The following SEMA5A variants were observed in gnomAD, a reference collection of about 807,000 sequenced individuals.
The protein encoded by SEMA5A is semaphorin-5A.
Under a neutral mutation model 135.5 loss-of-function variants are expected in SEMA5A, and 55 were observed. The observed-to-expected ratio is 0.41, with a 90% CI of 0.33 to 0.51. The LOEUF (loss-of-function observed/expected upper bound fraction) is 0.51, where lower values mean the gene tolerates loss of function less well. Ranked by LOEUF, SEMA5A falls within the 20% of genes least tolerant of loss-of-function variation. The pLI is 0.37. For missense variants in SEMA5A, 1,290 were observed against 1,419.9 expected, an observed-to-expected ratio of 0.91 and a Z score of 1.47; for synonymous variants, 580 against 546.5, an observed-to-expected ratio of 1.06 and a Z score of -0.85.
At chr5:9,487,062 A>G (rs1734771093) in intron 1 of SEMA5A, among the ~76,000 whole-genome samples, 1 of 152,158 alleles carries the variant, frequency 6.6e-6, no homozygotes, top group Non-Finnish European at 1.5e-5. Flanking sequence ...AAAACAAAAC[A>G]CTATCACAAG....
At chr5:9,522,789 T>C (rs1221577335) in intron 1 of SEMA5A, 1 of 152,214 alleles carries the variant, frequency 6.6e-6, no homozygotes, top group African/African-American at 2.4e-5. Flanking sequence ...ATTCTGCATC[T>C]CCTGTTGACA....
chr5:9,490,579 A>T (rs148870001), intron 1 of SEMA5A, among the ~76,000 whole-genome samples: 68 of 152,312 alleles, frequency 4.5e-4, no homozygotes, highest in Non-Finnish European at 8.4e-4. Context: ...TTTCAGGGCA[A>T]TATCCAGTTG....
rs145636536 is a variant in SEMA5A at position 9,497,082 on chromosome 5, T to A, written c.-175+48502A>T. Among the ~76,000 whole-genome samples, 110 of 152,294 alleles carry A rather than the reference T, an allele frequency of 7.2e-4. 1 individual carries two copies. The highest frequency in any genetic ancestry group is 2.4e-3 in the African/African-American group (100 of 41,572). On this transcript the variant is annotated intron_variant, in intron 1 of 22. Coordinates refer to ENST00000382496, the MANE Select transcript of SEMA5A (RefSeq NM_003966.3). ...CCTTATTAAAGAGAGTATCACATGG[T>A]AGCATTTTTCTCTCCCCTTTAGTTG...
rs535846697 is a variant in SEMA5A at position 9,041,465 on chromosome 5, T to G, written c.*1432A>C. 3 of 152,334 alleles carry G rather than the reference T, an allele frequency of 2.0e-5. No individual in the cohort carries two copies. In the South Asian group the frequency reaches 6.2e-4, roughly 32 times the overall value. 9.4% of individuals were successfully genotyped at this position (152,334 alleles called of 1,614,324 possible). On this transcript the variant is annotated 3_prime_UTR_variant, in exon 23 of 23. Coordinates refer to ENST00000382496, the MANE Select transcript of SEMA5A (RefSeq NM_003966.3). ...CAACTGCCATAGGTTATGTATTGGT[T>G]GTTTGTGAGAAAATTATATATTTTT... is the stretch of plus-strand genomic sequence containing the variant.
intron 11 of SEMA5A, among the ~76,000 whole-genome samples, chr5:9,181,485 A>T (rs1256362695): frequency 6.6e-6 from 1 of 151,884 alleles, no homozygotes; most frequent in Non-Finnish European, 1.5e-5. Context: ...TTTTTCCTCA[A>T]TTGGCAGCCC....
chr5:9,473,602 A>G (rs1034139167), intron 1 of SEMA5A, among the ~76,000 whole-genome samples: 1 of 151,290 alleles, frequency 6.6e-6, no homozygotes, highest in African/African-American at 2.4e-5. Flanking sequence ...AAGGAGAGAG[A>G]GGAGGAAAGA....
intron 11 of SEMA5A, among the ~76,000 whole-genome samples, chr5:9,188,029 C>A (rs1744901399): frequency 6.6e-6 from 1 of 152,244 alleles, no homozygotes; most frequent in South Asian, 2.1e-4. Context: ...GTTTGTGTCC[C>A]CCCAGGATTC....
At chr5:9,453,971 C>G (rs1028949526) in intron 1 of SEMA5A, among the ~76,000 whole-genome samples, 99 of 152,280 alleles carry the variant, frequency 6.5e-4, no homozygotes, top group African/African-American at 2.2e-3. Context: ...TGGAAGCTAC[C>G]TACTCACTCC....
In SEMA5A at chr5:9,204,614, T is replaced by C. The variant is rs1745908890; in HGVS notation, c.647-2374A>G. 6.6e-6 allele frequency among the ~76,000 whole-genome samples: 1 copy of C among 152,188 alleles called. No homozygotes were observed. Among genetic ancestry groups the C allele is most frequent in the South Asian group, 2.1e-4 (1 of 4,832 alleles). On this transcript the variant is annotated intron_variant, in intron 8 of 22. Transcript: ENST00000382496. This position sits in a 1 kb window ranked among gnomAD's most constrained non-coding sequence, Gnocchi z 6.4. ...GCTAGGTGCTGTGCTATTCTTCCCATTTCACAGATGAGGACACTAAAGCCC... is the reference window on the plus strand; with the variant it reads ...GCTAGGTGCTGTGCTATTCTTCCCACTTCACAGATGAGGACACTAAAGCCC...
At chr5:9,509,259 A>AATTATTATTATTATTATTATT (rs112585205) in intron 1 of SEMA5A, among the ~76,000 whole-genome samples, 2 of 149,918 alleles carry the variant, frequency 1.3e-5, no homozygotes, top group African/African-American at 4.9e-5. Flanking sequence ...TCCAACATAA[A>AATTATTATTATTATTATTATT]ATTATTATTA....
rs1482471516 is a variant in SEMA5A at position 9,038,149 on chromosome 5, G to C, written c.*4748C>G. On this transcript the variant is annotated 3_prime_UTR_variant, in exon 23 of 23. Transcript: ENST00000382496. ...TAGGATGAACAAATGGGCTAGGCAA[G>C]GCCAAGGCCATCTGTAAACTCCAGT... 1 of 152,236 alleles carries C rather than the reference G, an allele frequency of 6.6e-6. No individual in the cohort carries two copies. The highest frequency in any genetic ancestry group is 1.5e-5 in the Non-Finnish European group (1 of 68,038). 9.4% of individuals were successfully genotyped at this position (152,236 alleles called of 1,614,324 possible).
Position 9,379,899 on chromosome 5 carries a change from C to T in SEMA5A, c.48G>A (p.Leu16=), listed in dbSNP as rs764191344. Residue 16 remains leucine (L), a synonymous_variant, in exon 3 of 23, where the codon CTG becomes CTA. Coordinates refer to ENST00000382496, the MANE Select transcript of SEMA5A (RefSeq NM_003966.3). The stretch of plus-strand genomic sequence containing the variant: ...GGGCCTCTGGGTGGGCGAGTCTCCA[C>T]AGCCCCAGGCTTGAGAACAGCCATG... ...VIAWLFSSLG[L]WRLAHPEAQG... is the part of the protein sequence containing the mutation. 1.9e-6 allele frequency: 3 copies of T among 1,613,932 alleles called. No homozygotes were observed. Among genetic ancestry groups the T allele is most frequent in the African/African-American group, 2.7e-5 (2 of 74,902 alleles).
At chr5:9,454,883 T>C (rs1419144538) in intron 1 of SEMA5A, among the ~76,000 whole-genome samples, 1 of 152,176 alleles carries the variant, frequency 6.6e-6, no homozygotes, top group Non-Finnish European at 1.5e-5. Context: ...CAAAAGAAAG[T>C]GAACAAAAAT....
intron 3 of SEMA5A, among the ~76,000 whole-genome samples, chr5:9,365,808 C>A (rs1754891327): frequency 6.6e-6 from 1 of 152,134 alleles, no homozygotes; most frequent in Non-Finnish European, 1.5e-5. Flanking sequence ...AGCTGGTTGC[C>A]CCCACCCTCC....
intron 6 of SEMA5A, among the ~76,000 whole-genome samples, chr5:9,232,567 C>T (rs1747688072): frequency 6.6e-6 from 1 of 152,028 alleles, no homozygotes. Context: ...TGAATATATG[C>T]ACATGCAAAT....
intron 2 of SEMA5A, among the ~76,000 whole-genome samples, chr5:9,385,319 T>C (rs2126506045): frequency 6.6e-6 from 1 of 152,322 alleles, no homozygotes; most frequent in South Asian, 2.1e-4. Flanking sequence ...AAAAAATTGC[T>C]GTCAGATAAA....
At chr5:9,246,468 C>T (rs1748487004) in intron 5 of SEMA5A, among the ~76,000 whole-genome samples, 1 of 152,130 alleles carries the variant, frequency 6.6e-6, no homozygotes, top group Admixed American at 6.5e-5. Flanking sequence ...TCTTACATCA[C>T]ATGGATGATG....
rs1289234072 is a variant in SEMA5A, at chr5:9,154,057, AAAAAAATATAT to A, written c.1481+420_1481+430del. ...TGAGACTGTGTCTCAAAAAAAAAAA[AAAAAAATATAT>A]ATATATATATATATATATATATATA... On this transcript the variant is annotated intron_variant, in intron 12 of 22. Transcript: ENST00000382496. Among the ~76,000 whole-genome samples the A allele has an allele frequency of 3.1e-3, 155 of 50,436 alleles. 2 individuals are homozygous for A. The highest frequency in any genetic ancestry group is 6.9e-3 in the African/African-American group (148 of 21,426). 33.1% of individuals were successfully genotyped at this position (50,436 alleles called of 152,430 possible). A position where few individuals can be genotyped will look rare whatever the true frequency, so the allele number is the denominator to read the frequency against.
chr5:9,490,718 C>G (rs1466956248), intron 1 of SEMA5A, among the ~76,000 whole-genome samples: 2 of 152,176 alleles, frequency 1.3e-5, no homozygotes, highest in Admixed American at 6.5e-5. Context: ...GGGGATGCCC[C>G]CTGTGACTCC....
Sources: gnomAD v4.1 joint callset for allele counts (sites outside exome capture counted in the v4.1 genomes callset) on GRCh38, gnomAD v4.1.1 for gene constraint, Gnocchi (gnomAD v3.1) non-coding constraint, MANE v1.5 for transcripts, NCBI Gene and HGNC (gene_info 2026-07-23, HGNC 2026-07-21) for gene names.